The following POLA1 variants were observed in gnomAD, a reference collection of about 807,000 sequenced individuals.
POLA1 encodes the protein DNA polymerase alpha catalytic subunit.
POLA1 carries 15 observed loss-of-function variants against 124.0 expected under a neutral mutation model. That is an observed-to-expected ratio of 0.12 (90% confidence interval 0.08 to 0.19). The LOEUF (loss-of-function observed/expected upper bound fraction) is 0.19, where lower values mean the gene tolerates loss of function less well. POLA1 is among the 10% of genes least tolerant of loss of function. POLA1 has a pLI of 1.00. For missense variants in POLA1, 886 were observed against 1,103.4 expected (o/e 0.80, Z 2.79); for synonymous variants, 408 against 389.4 (o/e 1.05, Z -0.56).
intron 26 of POLA1, among the ~76,000 whole-genome samples, chrX:24,756,491 A>G (rs1456121346): frequency 9.2e-6 from 1 of 108,677 alleles, no homozygotes; most frequent in Non-Finnish European, 1.9e-5. Context: ...TGAACCCGGG[A>G]GGCAGAGGTT....
At chrX:24,953,318 T>C (rs999808092) in intron 36 of POLA1, among the ~76,000 whole-genome samples, 2 of 112,516 alleles carry the variant, frequency 1.8e-5, no homozygotes, top group African/African-American at 6.5e-5. Flanking sequence ...TTTTTGTTGT[T>C]GTTGTTTACC....
chrX:24,861,064 C>T, intron 34 of POLA1, among the ~76,000 whole-genome samples: 1 of 112,378 alleles, frequency 8.9e-6, no homozygotes, highest in Non-Finnish European at 1.9e-5. Context: ...ATGTAAAACC[C>T]CTGAAACATC....
intron 26 of POLA1, among the ~76,000 whole-genome samples, chrX:24,801,924 G>GTGTGTGTGTGTGTGTGTGTGT (rs2045713434): frequency 3.0e-4 from 22 of 74,544 alleles, no homozygotes; most frequent in East Asian, 2.4e-3. Context: ...GAGGTGGGTG[G>GTGTGTGTGTGTGTGTGTGTGT]GTGTGTGTGT....
chrX:24,742,107 C>T lies in POLA1; in HGVS notation c.2452C>T (p.Pro818Ser). Residue 818 changes from proline (P) to serine (S), a missense_variant, in exon 22 of 37, where the codon CCT becomes TCT. Around this residue, in one of 7 missense-constraint regions of POLA1, gnomAD observed 182 missense variants for 252.8 expected, o/e 0.72. Coordinates refer to ENST00000379068, the MANE Select transcript of POLA1 (RefSeq NM_001330360.2). ...GCCTGACAAGCAGATTTTCAGAAAG[C>T]CTCAGCAAAAACTGGTGGGTCCAAA... ...IVPDKQIFRK[P>S]QQKLGDEDEE... 8.3e-7 allele frequency: 1 copy of T among 1,205,355 alleles called. No individual in the cohort carries two copies. Among genetic ancestry groups the T allele is most frequent in the Non-Finnish European group, 1.1e-6 (1 of 892,144 alleles).
chrX:24,708,065 GA>G (rs1361866502), intron 4 of POLA1, among the ~76,000 whole-genome samples: 21 of 111,836 alleles, frequency 1.9e-4, no homozygotes, highest in South Asian at 3.8e-4. Context: ...AAACAAAACA[GA>G]AACACTAAAC....
intron 2 of POLA1, 67 bp from the exon 3 acceptor site, chrX:24,703,184 A>G (rs556417331): frequency 1.2e-6 from 1 of 805,350 alleles, no homozygotes; most frequent in South Asian, 2.7e-5. Flanking sequence ...CAATTTTTTC[A>G]TCAGAATTAT....
intron 34 of POLA1, among the ~76,000 whole-genome samples, chrX:24,873,993 C>T (rs1487002564): frequency 9.0e-6 from 1 of 111,471 alleles, no homozygotes; most frequent in Non-Finnish European, 1.9e-5. Flanking sequence ...CCACATACAG[C>T]GACTGGCTCA....
chrX:24,889,670 C>A (rs1245585170), intron 35 of POLA1, among the ~76,000 whole-genome samples: 1 of 111,990 alleles, frequency 8.9e-6, no homozygotes, highest in Non-Finnish European at 1.9e-5. Flanking sequence ...GATACACAGA[C>A]TAGTTTTAGA....
At chrX:24,974,467 C>T (rs2048341743) in intron 36 of POLA1, among the ~76,000 whole-genome samples, 1 of 111,663 alleles carries the variant, frequency 9.0e-6, no homozygotes, top group Non-Finnish European at 1.9e-5. Flanking sequence ...GAATACCATG[C>T]AGCCATAAAA....
At chrX:24,737,599 A>G in intron 18 of POLA1, 26 bp from the exon 19 acceptor site, 1 of 729,319 alleles carries the variant, frequency 1.4e-6, no homozygotes, top group Non-Finnish European at 2.2e-6. Context: ...TTATAACATT[A>G]TCAGCTGCCT....
At chrX:24,853,681 A>G (rs1320063008) in intron 34 of POLA1, among the ~76,000 whole-genome samples, 1 of 112,014 alleles carries the variant, frequency 8.9e-6, no homozygotes, top group Non-Finnish European at 1.9e-5. Context: ...AAATACTGTC[A>G]GTTGGTTTTT....
chrX:24,902,804 G>A (rs887672531), intron 35 of POLA1, among the ~76,000 whole-genome samples: 4 of 112,035 alleles, frequency 3.6e-5, no homozygotes, highest in Non-Finnish European at 7.5e-5. Flanking sequence ...AACTTCATCA[G>A]TGACACATAA....
intron 11 of POLA1, among the ~76,000 whole-genome samples, chrX:24,723,803 C>G (rs1296042438): frequency 1.8e-5 from 2 of 112,527 alleles, no homozygotes; most frequent in Non-Finnish European, 3.8e-5. Flanking sequence ...GCCTCAGCCT[C>G]CCGAGTAGCT....
At chrX:24,927,663 G>A (rs933519652) in intron 35 of POLA1, among the ~76,000 whole-genome samples, 1 of 112,489 alleles carries the variant, frequency 8.9e-6, no homozygotes, top group African/African-American at 3.2e-5. Context: ...TAGGCACTGT[G>A]TTGAGTGCAA....
intron 26 of POLA1, chrX:24,788,371 T>C: frequency 8.8e-7 from 1 of 1,141,121 alleles, no homozygotes; most frequent in Non-Finnish European, 1.2e-6. Context: ...TTTATTTAAA[T>C]GCCATGATCC....
intron 36 of POLA1, among the ~76,000 whole-genome samples, chrX:24,940,145 C>T (rs984575597): frequency 1.4e-4 from 16 of 111,716 alleles, no homozygotes; most frequent in African/African-American, 5.2e-4. Context: ...AGCGCACAAA[C>T]ATGTAACATC....
rs188734545 is a variant in POLA1, at chrX:24,996,172, A to C, written c.*222A>C. 1.2e-5 allele frequency: 4 copies of C among 331,996 alleles called. No individual in the cohort carries two copies. The South Asian group carries it at 3.8e-4, about 32-fold the overall frequency. The allele number at this position is 331,996 out of a possible 1,213,427, so 27.4% of individuals were successfully genotyped here. Reference sequence around the variant, plus strand: ...TCTTCATATTAAGATGTACTGCTTTAAAACACAACTCCAGAGCCCCTCCCC... The same window carrying C: ...TCTTCATATTAAGATGTACTGCTTTCAAACACAACTCCAGAGCCCCTCCCC... On this transcript the variant is annotated 3_prime_UTR_variant, in exon 37 of 37. Transcript: ENST00000379068.
chrX:24,906,454 C>T (rs1381708131), intron 35 of POLA1, among the ~76,000 whole-genome samples: 2 of 105,652 alleles, frequency 1.9e-5, no homozygotes, highest in African/African-American at 7.0e-5. Context: ...TATGTTCCCA[C>T]TTATAAGGGG....
chrX:24,993,997 G>T (rs2048568056), intron 36 of POLA1, among the ~76,000 whole-genome samples: 1 of 111,910 alleles, frequency 8.9e-6, no homozygotes, highest in African/African-American at 3.3e-5. Context: ...AACACATCAG[G>T]AGCTATGTCC....
Sources: gnomAD v4.1 joint callset for allele counts (sites outside exome capture counted in the v4.1 genomes callset) on GRCh38, gnomAD v4.1.1 for gene constraint, gnomAD v4.1.1 regional missense constraint, MANE v1.5 for transcripts, NCBI Gene and HGNC (gene_info 2026-07-23, HGNC 2026-07-21) for gene names.